The following MAL variants were observed in gnomAD, a reference collection of about 807,000 sequenced individuals.
MAL encodes mal, T cell differentiation protein (MAL blood group), also known as myelin and lymphocyte protein.
In MAL, 5 loss-of-function variants were observed where a neutral mutation model predicts 16.7. The ratio of observed to expected loss-of-function variants is 0.30; its 90% CI spans 0.16 to 0.63. MAL has a LOEUF of 0.63. Ranked by LOEUF, MAL falls within the 30% of genes least tolerant of loss-of-function variation. MAL has a pLI of 0.82. For synonymous variants in MAL, 96 were observed against 85.5 expected, an observed-to-expected ratio of 1.12 and a Z score of -0.67; for missense variants, 202 against 195.8, an observed-to-expected ratio of 1.03 and a Z score of -0.19.
intron 1 of MAL, 88 bp from the exon 2 acceptor site, chr2:95,047,871 A>G: frequency 1.1e-5 from 14 of 1,328,306 alleles, no homozygotes; most frequent in Non-Finnish European, 1.4e-5. Flanking sequence ...TTTGCACTCC[A>G]GTCACCCCAT....
intron 3 of MAL, chr2:95,051,715 G>T (rs561912698): frequency 2.0e-5 from 3 of 152,298 alleles, no homozygotes; most frequent in African/African-American, 7.2e-5. Context: ...ACACGAATAT[G>T]TTCACGCAGA....
intron 1 of MAL, 37 bp from the exon 2 acceptor site, chr2:95,047,922 C>G (rs1674626820): frequency 6.2e-7 from 1 of 1,601,618 alleles, no homozygotes; most frequent in Non-Finnish European, 8.5e-7. Flanking sequence ...TGGGGCTCTC[C>G]TCTAGGCCAA....
chr2:95,050,244 G>T (rs1179256206), intron 3 of MAL, among the ~76,000 whole-genome samples: 2 of 152,216 alleles, frequency 1.3e-5, no homozygotes, highest in African/African-American at 2.4e-5. Context: ...AGCCAGGGGT[G>T]GGGACGCTGA....
At chr2:95,032,789 T>C (rs1310801028) in intron 1 of MAL, among the ~76,000 whole-genome samples, 2 of 152,182 alleles carry the variant, frequency 1.3e-5, no homozygotes, top group African/African-American at 4.8e-5. Flanking sequence ...GCCATTTCCC[T>C]TCTTGGGGTC....
chr2:95,052,561 C>A (rs1674742804), intron 3 of MAL, among the ~76,000 whole-genome samples: 1 of 152,188 alleles, frequency 6.6e-6, no homozygotes, highest in Admixed American at 6.5e-5. Context: ...AGAGGCGTAG[C>A]CGCCCTAAAT....
intron 1 of MAL, among the ~76,000 whole-genome samples, chr2:95,039,492 C>CTGAGTGAG (rs1198541373): frequency 2.8e-5 from 3 of 106,844 alleles, no homozygotes; most frequent in Non-Finnish European, 5.8e-5. Flanking sequence ...GACTGAGTGA[C>CTGAGTGAG]TGAGTGGGTG....
intron 1 of MAL, among the ~76,000 whole-genome samples, chr2:95,033,423 C>T (rs1018336933): frequency 1.3e-5 from 2 of 152,030 alleles, no homozygotes; most frequent in Non-Finnish European, 1.5e-5. Flanking sequence ...GTTTCAGTGG[C>T]GGGCCAGGGA....
At chr2:95,038,170 GACTGAGTGACTGTGTGAGTT>G (rs1674298769) in intron 1 of MAL, among the ~76,000 whole-genome samples, 1 of 150,040 alleles carries the variant, frequency 6.7e-6, no homozygotes, top group Admixed American at 6.6e-5. Context: ...ATGAGTGAGT[GACTGAGTGACTGTGTGAGTT>G]ACTGAGTGAG....
At chr2:95,032,068 C>G (rs183546502) in intron 1 of MAL, among the ~76,000 whole-genome samples, 38 of 152,370 alleles carry the variant, frequency 2.5e-4, no homozygotes, top group African/African-American at 9.1e-4. Context: ...GTCACTCCCC[C>G]ACCTCACAGG....
chr2:95,045,077 A>G (rs1375155315), intron 1 of MAL, among the ~76,000 whole-genome samples: 1 of 152,248 alleles, frequency 6.6e-6, no homozygotes, highest in African/African-American at 2.4e-5. Context: ...CCATAAGCAT[A>G]GAAACAATGT....
intron 1 of MAL, among the ~76,000 whole-genome samples, chr2:95,028,086 C>G (rs1051182362): frequency 2.0e-5 from 3 of 149,220 alleles, no homozygotes; most frequent in African/African-American, 7.4e-5. Flanking sequence ...GTGGGTGGAT[C>G]ACCTGAGGTC....
Position 95,049,735 on chromosome 2 carries a change from A to G in MAL, c.387+29A>G, listed in dbSNP as rs546374228. 18 of 1,613,258 alleles carry G rather than the reference A, an allele frequency of 1.1e-5. No individual in the cohort carries two copies. In the South Asian group the frequency reaches 1.8e-4, roughly 16 times the overall value. On this transcript the variant is annotated intron_variant, in intron 3 of 3. Transcript: ENST00000309988. ...AGTCCGGGCACCTGGGGCTGTGTCC[A>G]CAGCGGGCGGCTCCGTGGCTGGCAG...
intron 1 of MAL, among the ~76,000 whole-genome samples, chr2:95,037,096 A>T (rs1206011409): frequency 5.4e-5 from 8 of 149,252 alleles, no homozygotes; most frequent in Non-Finnish European, 1.2e-4. Context: ...TGAGTGAGTG[A>T]GTGGGTGAGT....
intron 1 of MAL, among the ~76,000 whole-genome samples, chr2:95,039,416 G>A (rs559652508): frequency 6.6e-6 from 1 of 151,318 alleles, no homozygotes; most frequent in African/African-American, 2.4e-5. Flanking sequence ...GAATGGGTGA[G>A]TGAGTGAGTG....
chr2:95,053,571 AC>A lies in MAL; in HGVS notation c.*123del, dbSNP rs926133955. 3.0e-4 allele frequency: 174 copies of A among 581,200 alleles called. 1 individual carries two copies. Among genetic ancestry groups the A allele is most frequent in the Middle Eastern group, 1.4e-3 (3 of 2,070 alleles). 36.0% of individuals were successfully genotyped at this position (581,200 alleles called of 1,614,324 possible). A position where few individuals can be genotyped will look rare whatever the true frequency, so the allele number is the denominator to read the frequency against. ...TGATGGTGGAAAAAAGAAAACAACC[AC>A]CCCCCCACTGCCCAAAAAAAAAAGC... On this transcript the variant is annotated 3_prime_UTR_variant, in exon 4 of 4. Coordinates refer to ENST00000309988, the MANE Select transcript of MAL (RefSeq NM_002371.4).
At chr2:95,043,011 C>T (rs1392568432) in intron 1 of MAL, among the ~76,000 whole-genome samples, 4 of 152,340 alleles carry the variant, frequency 2.6e-5, no homozygotes, top group Admixed American at 1.3e-4. Context: ...GGGCTGGAGG[C>T]TCACCCTCCC....
chr2:95,037,609 AGAGT>A (rs202196698), intron 1 of MAL, among the ~76,000 whole-genome samples: 3,214 of 104,080 alleles, frequency 0.031, 118 homozygotes, highest in Admixed American at 0.088. Context: ...GGTGAGTAAC[AGAGT>A]GAGTGAGTGA....
chr2:95,053,408 T>C lies in MAL; in HGVS notation c.415T>C (p.Tyr139His). 6.2e-7 allele frequency: 1 copy of C among 1,613,676 alleles called. No individual in the cohort carries two copies. The highest frequency in any genetic ancestry group is 8.5e-7 in the Non-Finnish European group (1 of 1,179,658). Residue 139 changes from tyrosine to histidine, a missense_variant, in exon 4 of 4, where the codon TAC becomes CAC. Coordinates refer to ENST00000309988, the MANE Select transcript of MAL (RefSeq NM_002371.4). Reference sequence around the variant, plus strand: ...GTTCTCCTACATAGCCACTCTGCTCTACGTGGTCCATGCGGTGTTCTCTTT... The same window carrying C: ...GTTCTCCTACATAGCCACTCTGCTCCACGTGGTCCATGCGGTGTTCTCTTT... ...VVFSYIATLL[Y>H]VVHAVFSLIR...
At chr2:95,041,744 A>AT (rs1220928637) in intron 1 of MAL, among the ~76,000 whole-genome samples, 1 of 152,162 alleles carries the variant, frequency 6.6e-6, no homozygotes, top group East Asian at 1.9e-4. Flanking sequence ...CCCATGATTA[A>AT]TTTGGAAAGA....
Sources: gnomAD v4.1 joint callset for allele counts (sites outside exome capture counted in the v4.1 genomes callset) on GRCh38, gnomAD v4.1.1 for gene constraint, MANE v1.5 for transcripts, NCBI Gene and HGNC (gene_info 2026-07-23, HGNC 2026-07-21) for gene names.